NEK11: variants seen among roughly 807,000 people sequenced by gnomAD.
The protein encoded by NEK11 is serine/threonine-protein kinase Nek11.
Under a neutral mutation model 80.7 loss-of-function variants are expected in NEK11, and 72 were observed. The observed-to-expected ratio is 0.89, with a 90% CI of 0.74 to 1.08. The LOEUF is 1.08. Ranked by LOEUF, NEK11 falls within the 50% of genes least tolerant of loss-of-function variation. NEK11 has a pLI of 0.00. For synonymous variants in NEK11, 251 were observed against 260.7 expected (o/e 0.96, Z 0.36); for missense variants, 764 against 763.6 (o/e 1.00, Z -0.01).
At chr3:131,217,608 G>A (rs921336997) in intron 14 of NEK11, among the ~76,000 whole-genome samples, 9 of 152,044 alleles carry the variant, frequency 5.9e-5, no homozygotes, top group African/African-American at 9.7e-5. Context: ...GCTAAGTTTC[G>A]GGTGAATTTG....
intron 14 of NEK11, among the ~76,000 whole-genome samples, chr3:131,207,323 C>T (rs11711520): frequency 0.42 from 63,550 of 152,080 alleles, 15,683 homozygotes; most frequent in Middle Eastern, 0.66. Flanking sequence ...GTGGCCCATG[C>T]CTGTAATCCC....
At position 131,339,273 on chromosome 3, in the gene NEK11, G is replaced by C. The variant is rs548122881; in HGVS notation, c.1719-10284G>C. 1.4e-4 allele frequency among the ~76,000 whole-genome samples: 21 copies of C among 151,960 alleles called. No homozygotes were observed. In the East Asian group the frequency reaches 3.9e-3, roughly 28 times the overall value. On this transcript the variant is annotated intron_variant, in intron 17 of 17. Coordinates refer to ENST00000383366, the MANE Select transcript of NEK11 (RefSeq NM_024800.5). Reference sequence around the variant, plus strand: ...TTCATTTTTTCAACAAATAATTATCGATCACCTATAAGCAAAGAATGTCTT... The same window carrying C: ...TTCATTTTTTCAACAAATAATTATCCATCACCTATAAGCAAAGAATGTCTT...
At chr3:131,096,039 C>T (rs2077376076) in intron 4 of NEK11, among the ~76,000 whole-genome samples, 1 of 152,052 alleles carries the variant, frequency 6.6e-6, no homozygotes, top group Admixed American at 6.6e-5. Context: ...AAAGACCACA[C>T]GAAGCACAGG....
intron 17 of NEK11, among the ~76,000 whole-genome samples, chr3:131,313,112 T>G (rs1051894207): frequency 6.6e-6 from 1 of 152,154 alleles, no homozygotes; most frequent in Non-Finnish European, 1.5e-5. Flanking sequence ...TCACTAAGGA[T>G]TATGGCCTCC....
At chr3:131,094,600 T>G (rs912348486) in intron 4 of NEK11, among the ~76,000 whole-genome samples, 1 of 152,210 alleles carries the variant, frequency 6.6e-6, no homozygotes, top group Non-Finnish European at 1.5e-5. Flanking sequence ...TGGAAATTTC[T>G]CCAGGAGTAT....
intron 16 of NEK11, among the ~76,000 whole-genome samples, chr3:131,270,772 T>C (rs562723347): frequency 1.3e-5 from 2 of 152,332 alleles, no homozygotes; most frequent in Admixed American, 6.5e-5. Context: ...TGAGGGAAAC[T>C]GTAGCCAGCT....
At chr3:131,321,319 A>G (rs919693742) in intron 17 of NEK11, among the ~76,000 whole-genome samples, 3 of 152,198 alleles carry the variant, frequency 2.0e-5, no homozygotes, top group African/African-American at 7.2e-5. Context: ...ATAAAACAGG[A>G]TCCCTACCTT....
chr3:131,272,463 C>CTTCTTTTTTTTTTTTTTTTTTTTT (rs2096210843), intron 16 of NEK11, among the ~76,000 whole-genome samples: 6 of 43,900 alleles, frequency 1.4e-4, no homozygotes, highest in East Asian at 1.9e-3. Flanking sequence ...GTTTTAGCTT[C>CTTCTTTTTTTTTTTTTTTTTTTTT]TTTTTTTTTT....
intron 17 of NEK11, among the ~76,000 whole-genome samples, chr3:131,319,191 C>T (rs1308259372): frequency 2.0e-5 from 3 of 152,130 alleles, no homozygotes; most frequent in Non-Finnish European, 4.4e-5. Flanking sequence ...GATTTCCATA[C>T]TCCACAAAGA....
At chr3:131,195,821 A>ATATAT (rs1553929128) in intron 14 of NEK11, among the ~76,000 whole-genome samples, 1 of 95,260 alleles carries the variant, frequency 1.0e-5, no homozygotes, top group African/African-American at 6.9e-5. Flanking sequence ...TATATATATA[A>ATATAT]AATTGAAGAA....
chr3:131,037,235 G>GGGTCAGTTA (rs11282216), intron 3 of NEK11, among the ~76,000 whole-genome samples: 1 of 151,650 alleles, frequency 6.6e-6, no homozygotes, highest in Non-Finnish European at 1.5e-5. Flanking sequence ...AGCATTTTTT[G>GGGTCAGTTA]TGAGTTACAG....
chr3:131,263,191 C>G (rs1005495835), intron 16 of NEK11, among the ~76,000 whole-genome samples: 1 of 151,648 alleles, frequency 6.6e-6, no homozygotes, highest in African/African-American at 2.4e-5. Flanking sequence ...CCCTCCTCCA[C>G]CCACCCCACG....
At chr3:131,057,336 C>T (rs1253845792) in intron 3 of NEK11, among the ~76,000 whole-genome samples, 5 of 152,140 alleles carry the variant, frequency 3.3e-5, no homozygotes, top group African/African-American at 4.8e-5. Context: ...TGAATAATGC[C>T]GCAGTAAACA....
At chr3:131,028,930 T>A (rs2064364850) in intron 2 of NEK11, among the ~76,000 whole-genome samples, 1 of 152,226 alleles carries the variant, frequency 6.6e-6, no homozygotes, top group African/African-American at 2.4e-5. Flanking sequence ...AGCATTTATA[T>A]TCCACTGACA....
chr3:131,104,856 T>G (rs1328952325), intron 4 of NEK11, among the ~76,000 whole-genome samples: 1 of 152,164 alleles, frequency 6.6e-6, no homozygotes, highest in African/African-American at 2.4e-5. Context: ...TGCCCAAGAT[T>G]ACAAAGGTCA....
intron 3 of NEK11, among the ~76,000 whole-genome samples, chr3:131,052,178 G>T: frequency 6.8e-6 from 1 of 146,072 alleles, no homozygotes; most frequent in African/African-American, 2.5e-5. Context: ...ATATCTTGGA[G>T]ATATTTCCAT....
intron 14 of NEK11, among the ~76,000 whole-genome samples, chr3:131,178,762 A>G (rs932787316): frequency 3.9e-5 from 6 of 152,228 alleles, no homozygotes; most frequent in African/African-American, 1.4e-4. Context: ...AATTATGATT[A>G]TATTGTACAT....
At chr3:131,292,594 C>A (rs970153999) in intron 17 of NEK11, among the ~76,000 whole-genome samples, 1 of 151,486 alleles carries the variant, frequency 6.6e-6, no homozygotes, top group African/African-American at 2.4e-5. Context: ...TAGCTCACTG[C>A]AGCCTCAAAC....
chr3:131,174,870 C>A, intron 14 of NEK11: 1 of 1,548,706 alleles, frequency 6.5e-7, no homozygotes, highest in South Asian at 1.2e-5. Flanking sequence ...CCCCACCATT[C>A]AGATGTGGAG....
Sources: allele counts gnomAD v4.1 joint callset (sites outside exome capture counted in the v4.1 genomes callset), GRCh38; gene constraint gnomAD v4.1.1; transcripts MANE v1.5; gene names NCBI Gene and HGNC (gene_info 2026-07-23, HGNC 2026-07-21).